The following RANBP2 variants were observed in gnomAD, a reference collection of about 807,000 sequenced individuals.
RANBP2 encodes the protein E3 SUMO-protein ligase RanBP2.
Under a neutral mutation model 303.6 loss-of-function variants are expected in RANBP2, and 57 were observed. The ratio of observed to expected loss-of-function variants is 0.19; its 90% CI spans 0.15 to 0.23. RANBP2 has a LOEUF of 0.23. RANBP2 is among the 10% of genes least tolerant of loss of function. The pLI is 1.00. For missense variants in RANBP2, 3,138 were observed against 3,780.8 expected, an observed-to-expected ratio of 0.83 and a Z score of 4.46; for synonymous variants, 1,167 against 1,301.5, an observed-to-expected ratio of 0.90 and a Z score of 2.23.
At chr2:108,919,387 T>G in the RANBP2 span, among the ~76,000 whole-genome samples, 1 of 152,176 alleles carries the variant, frequency 6.6e-6, no homozygotes, top group Non-Finnish European at 1.5e-5. Context: ...AGGCGGAGTT[T>G]CGCTCTTGTT....
At chr2:109,210,602 C>T in the RANBP2 span, among the ~76,000 whole-genome samples, 5 of 152,088 alleles carry the variant, frequency 3.3e-5, no homozygotes, top group South Asian at 4.1e-4. Context: ...TGGATTGTGT[C>T]CAGCTCAGGG....
the RANBP2 span, among the ~76,000 whole-genome samples, chr2:109,515,455 C>T: frequency 2.6e-5 from 4 of 152,210 alleles, no homozygotes; most frequent in East Asian, 7.8e-4. Flanking sequence ...GGACAAAGCC[C>T]TGGTGGAGTG....
chr2:109,217,116 C>T, the RANBP2 span, among the ~76,000 whole-genome samples: 1 of 152,222 alleles, frequency 6.6e-6, no homozygotes, highest in Non-Finnish European at 1.5e-5. Flanking sequence ...TCTCCTTCCT[C>T]TTTAAGGCTA....
the RANBP2 span, among the ~76,000 whole-genome samples, chr2:109,679,791 A>G: frequency 2.0e-5 from 3 of 152,300 alleles, no homozygotes; most frequent in Non-Finnish European, 2.9e-5. Context: ...GGAGCCTTGG[A>G]ATGTGAATGT....
the RANBP2 span, among the ~76,000 whole-genome samples, chr2:109,409,102 C>T: frequency 0.051 from 7,728 of 152,290 alleles, 372 homozygotes; most frequent in African/African-American, 0.12. Context: ...AAACTGGAGT[C>T]GGGTTGTGGA....
chr2:108,774,504 T>G (rs1677735774), intron 23 of RANBP2, among the ~76,000 whole-genome samples: 1 of 152,174 alleles, frequency 6.6e-6, no homozygotes, highest in Admixed American at 6.5e-5. Flanking sequence ...TATCATAAAA[T>G]GAATTGAGAA....
chr2:108,816,835 A>G, the RANBP2 span, among the ~76,000 whole-genome samples: 2 of 152,310 alleles, frequency 1.3e-5, no homozygotes, highest in South Asian at 4.1e-4. Flanking sequence ...TAGGGTCTAC[A>G]GGTATACACC....
the RANBP2 span, among the ~76,000 whole-genome samples, chr2:109,636,794 C>T: frequency 6.6e-6 from 1 of 151,970 alleles, no homozygotes; most frequent in African/African-American, 2.4e-5. Flanking sequence ...AAAAATTAGC[C>T]AGGCGTGTTG....
the RANBP2 span, among the ~76,000 whole-genome samples, chr2:109,255,505 G>A: frequency 6.6e-6 from 1 of 152,194 alleles, no homozygotes; most frequent in Non-Finnish European, 1.5e-5. Flanking sequence ...TTTATTCACA[G>A]AAGAGGCAAA....
chr2:108,999,760 C>T, the RANBP2 span, among the ~76,000 whole-genome samples: 16 of 152,202 alleles, frequency 1.1e-4, no homozygotes, highest in African/African-American at 2.9e-4. Flanking sequence ...TAAAAAATTA[C>T]GAAATTTCCC....
chr2:109,129,451 C>T, the RANBP2 span: 3 of 1,493,546 alleles, frequency 2.0e-6, no homozygotes, highest in African/African-American at 1.5e-5. Flanking sequence ...GAGCCCGGCT[C>T]CCCAGTCCTG....
chr2:109,232,572 T>C, the RANBP2 span, among the ~76,000 whole-genome samples: 1 of 152,214 alleles, frequency 6.6e-6, no homozygotes, highest in African/African-American at 2.4e-5. Flanking sequence ...TTTCTCATCA[T>C]GCCTAAAAGG....
At chr2:108,919,149 G>A in the RANBP2 span, among the ~76,000 whole-genome samples, 107 of 152,238 alleles carry the variant, frequency 7.0e-4, no homozygotes, top group African/African-American at 2.4e-3. Flanking sequence ...TGGGAGGCCC[G>A]CTTCACACCT....
chr2:109,220,899 C>A, the RANBP2 span, among the ~76,000 whole-genome samples: 1 of 152,192 alleles, frequency 6.6e-6, no homozygotes, highest in East Asian at 1.9e-4. Context: ...ACTATATAAT[C>A]CAGCAGTTCT....
the RANBP2 span, among the ~76,000 whole-genome samples, chr2:109,431,453 A>G: frequency 5.2e-3 from 793 of 152,306 alleles, 10 homozygotes; most frequent in African/African-American, 0.018. Flanking sequence ...GTATTATCCA[A>G]TCTTTACAAG....
At chr2:108,852,840 C>T in the RANBP2 span, among the ~76,000 whole-genome samples, 1 of 152,052 alleles carries the variant, frequency 6.6e-6, no homozygotes, top group Non-Finnish European at 1.5e-5. Flanking sequence ...CAACAAACTC[C>T]TATGACACAA....
At chr2:108,819,237 A>T in the RANBP2 span, among the ~76,000 whole-genome samples, 6 of 152,232 alleles carry the variant, frequency 3.9e-5, no homozygotes, top group East Asian at 1.2e-3. Context: ...GGACTCCTTC[A>T]AAAGGAGTGG....
chr2:109,203,697 C>G, the RANBP2 span, among the ~76,000 whole-genome samples: 65 of 152,322 alleles, frequency 4.3e-4, no homozygotes, highest in African/African-American at 1.5e-3. Flanking sequence ...ACTTCCACCC[C>G]CTGGGCCTGG....
the RANBP2 span, among the ~76,000 whole-genome samples, chr2:109,584,597 A>G: frequency 1.3e-5 from 2 of 152,074 alleles, no homozygotes; most frequent in African/African-American, 4.8e-5. Context: ...TAGAATCTCT[A>G]CTCAATCTTT....
Sources: allele counts gnomAD v4.1 joint callset (sites outside exome capture counted in the v4.1 genomes callset), GRCh38; gene constraint gnomAD v4.1.1; transcripts MANE v1.5; gene names NCBI Gene and HGNC (gene_info 2026-07-23, HGNC 2026-07-21).